The following AGO3 variants were observed in gnomAD, a reference collection of about 807,000 sequenced individuals.
AGO3 encodes the protein argonaute RISC catalytic component 3.
A neutral mutation model predicts 105.5 loss-of-function variants in AGO3; 16 were observed. That is an observed-to-expected ratio of 0.15 (90% CI 0.10 to 0.23). The LOEUF (loss-of-function observed/expected upper bound fraction) is 0.23, where lower values mean the gene tolerates loss of function less well. Among genes scored for constraint, AGO3 ranks in the 10% least tolerant of loss-of-function variants. The pLI is 1.00. For synonymous variants in AGO3, 340 were observed against 367.3 expected, an observed-to-expected ratio of 0.93 and a Z score of 0.85; for missense variants, 534 against 1,088.0, an observed-to-expected ratio of 0.49 and a Z score of 7.16.
chr1:35,946,549 G>A (rs1646368444), intron 2 of AGO3, among the ~76,000 whole-genome samples: 1 of 152,040 alleles, frequency 6.6e-6, no homozygotes, highest in African/African-American at 2.4e-5. Context: ...TTAGCATTTT[G>A]GTTTCTATGA....
chr1:35,995,210 ATATATAT>A (rs1386251284), intron 5 of AGO3, among the ~76,000 whole-genome samples: 64 of 93,740 alleles, frequency 6.8e-4, no homozygotes, highest in South Asian at 1.6e-3. Context: ...AAAAAAAAAA[ATATATAT>A]ATATATATAT....
Position 35,987,766 on chromosome 1 carries a change from TA to T in AGO3, c.658+14268del, listed in dbSNP as rs764099307. Among the ~76,000 whole-genome samples, 479 of 137,772 alleles carry T rather than the reference TA, an allele frequency of 3.5e-3. 1 individual carries two copies. Among genetic ancestry groups the T allele is most frequent in the Middle Eastern group, 3.7e-3 (1 of 270 alleles). The allele number at this position is 137,772 out of a possible 152,430, so 90.4% of individuals were successfully genotyped here. On this transcript the variant is annotated intron_variant, in intron 5 of 18. Transcript: ENST00000373191. ...TGGGAGGCAAAAAAATAAGATTGAT[TA>T]AAAAAAAAAAAAGACCTATGGGCCA...
At chr1:36,007,951 G>A (rs1032775682) in intron 6 of AGO3, among the ~76,000 whole-genome samples, 13 of 152,040 alleles carry the variant, frequency 8.6e-5, no homozygotes, top group Admixed American at 2.6e-4. Context: ...ACAGATGGAC[G>A]GCAGGGATCC....
Position 36,066,358 on chromosome 1 carries a change from C to G in AGO3, c.*10613C>G, listed in dbSNP as rs976292931. 6.6e-6 allele frequency: 1 copy of G among 152,066 alleles called. No individual in the cohort carries two copies. The highest frequency in any genetic ancestry group is 1.5e-5 in the Non-Finnish European group (1 of 68,062). The allele number at this position is 152,066 out of a possible 1,614,324, so 9.4% of individuals were successfully genotyped here. On this transcript the variant is annotated 3_prime_UTR_variant, in exon 19 of 19. Transcript: ENST00000373191. ...GGCTGATTACCTGAGGTCAGGAGTTCGAGACCAGCCTGGACAACATGGCAA... is the reference window on the plus strand; with the variant it reads ...GGCTGATTACCTGAGGTCAGGAGTTGGAGACCAGCCTGGACAACATGGCAA...
At chr1:35,992,752 A>G (rs957077823) in intron 5 of AGO3, among the ~76,000 whole-genome samples, 3 of 152,246 alleles carry the variant, frequency 2.0e-5, no homozygotes, top group Admixed American at 6.5e-5. Context: ...CTACCACTGC[A>G]TATCAAATTA....
intron 3 of AGO3, among the ~76,000 whole-genome samples, chr1:35,967,299 T>G (rs926082025): frequency 2.0e-5 from 3 of 152,214 alleles, no homozygotes; most frequent in African/African-American, 4.8e-5. Context: ...TCTGAACATT[T>G]CCACCTTTGT....
intron 1 of AGO3, among the ~76,000 whole-genome samples, chr1:35,936,107 C>T (rs1405542561): frequency 6.6e-6 from 1 of 152,110 alleles, no homozygotes; most frequent in Non-Finnish European, 1.5e-5. Flanking sequence ...ATTAACAAAA[C>T]AGATGTGAGA....
intron 2 of AGO3, among the ~76,000 whole-genome samples, chr1:35,958,866 T>G (rs1212899453): frequency 1.3e-5 from 2 of 152,236 alleles, no homozygotes; most frequent in Non-Finnish European, 2.9e-5. Flanking sequence ...TTTTGACATT[T>G]TGTTATACTT....
chr1:35,987,199 G>A (rs566944575), intron 5 of AGO3, among the ~76,000 whole-genome samples: 2 of 148,260 alleles, frequency 1.3e-5, no homozygotes, highest in South Asian at 2.1e-4. Context: ...GTGGTGGCAC[G>A]CACCTGTAGT....
At chr1:35,980,158 A>G (rs1647027017) in intron 5 of AGO3, among the ~76,000 whole-genome samples, 1 of 152,008 alleles carries the variant, frequency 6.6e-6, no homozygotes. Context: ...GTTTCCCTTA[A>G]TTGAGTAACA....
Position 36,027,616 on chromosome 1 carries a change from A to G in AGO3, c.1591+318A>G, listed in dbSNP as rs531587549. On this transcript the variant is annotated intron_variant, in intron 12 of 18. Coordinates refer to ENST00000373191, the MANE Select transcript of AGO3 (RefSeq NM_024852.4). This position sits in a 1 kb window ranked among gnomAD's most constrained non-coding sequence, Gnocchi z 4.0. ...AATGTGGTGAAACCCCATCTCTACT[A>G]AAAATACAAAAAATTAGCTGGGCGT... Among the ~76,000 whole-genome samples, 3 of 151,862 alleles carry G rather than the reference A, an allele frequency of 2.0e-5. No individual in the cohort carries two copies. The East Asian group carries it at 5.8e-4, about 30-fold the overall frequency.
At chr1:35,968,166 T>C (rs1011973928) in intron 3 of AGO3, among the ~76,000 whole-genome samples, 4 of 152,218 alleles carry the variant, frequency 2.6e-5, no homozygotes, top group Non-Finnish European at 5.9e-5. Context: ...ATGTTAACTT[T>C]GGTCAGTTGA....
At chr1:35,964,072 T>C (rs989380125) in intron 2 of AGO3, among the ~76,000 whole-genome samples, 12 of 152,116 alleles carry the variant, frequency 7.9e-5, no homozygotes, top group South Asian at 2.1e-4. Context: ...TTTGCCAAAA[T>C]TGTAGCAAAA....
rs965293546 is a variant in AGO3, at chr1:36,008,500, T to G, written c.794-190T>G. On this transcript the variant is annotated intron_variant, in intron 6 of 18. Transcript: ENST00000373191. The surrounding 1 kb of genome is among the most constrained non-coding windows in gnomAD (Gnocchi z 5.1). ...ATGGGGTAAGGAAAAATTTTGCCAT[T>G]AGGTCTGTCATGACTGTGACCATTA... Among the ~76,000 whole-genome samples, 35 of 152,186 alleles carry G rather than the reference T, an allele frequency of 2.3e-4. No homozygotes were observed. The highest frequency in any genetic ancestry group is 8.2e-4 in the African/African-American group (34 of 41,442).
chr1:35,976,213 G>T (rs1347415308), intron 5 of AGO3, among the ~76,000 whole-genome samples: 1 of 152,086 alleles, frequency 6.6e-6, no homozygotes, highest in Admixed American at 6.5e-5. Context: ...GGGATTACAG[G>T]CGTGAGCCAC....
At chr1:35,997,765 C>T (rs12732091) in intron 5 of AGO3, among the ~76,000 whole-genome samples, 1 of 152,096 alleles carries the variant, frequency 6.6e-6, no homozygotes. Context: ...GGCGTGATCT[C>T]GGCTCAATGC....
At chr1:35,974,811 A>G (rs371709729) in intron 5 of AGO3, among the ~76,000 whole-genome samples, 1 of 152,162 alleles carries the variant, frequency 6.6e-6, no homozygotes, top group Non-Finnish European at 1.5e-5. Flanking sequence ...TCAGTGTCCT[A>G]TTGAAAATTA....
At chr1:35,949,306 A>G (rs950312108) in intron 2 of AGO3, among the ~76,000 whole-genome samples, 1 of 152,234 alleles carries the variant, frequency 6.6e-6, no homozygotes, top group Non-Finnish European at 1.5e-5. Flanking sequence ...TCAGCTTTAT[A>G]CTTTGTTAAT....
chr1:36,052,238 G>T (rs1040431343), intron 17 of AGO3, among the ~76,000 whole-genome samples: 1 of 152,094 alleles, frequency 6.6e-6, no homozygotes, highest in African/African-American at 2.4e-5. Context: ...CACAAAAAAA[G>T]AATGAAATTC....
Sources: allele counts gnomAD v4.1 joint callset (sites outside exome capture counted in the v4.1 genomes callset), GRCh38; gene constraint gnomAD v4.1.1; non-coding constraint Gnocchi (gnomAD v3.1); transcripts MANE v1.5; gene names NCBI Gene and HGNC (gene_info 2026-07-23, HGNC 2026-07-21).